The following KMT2E variants were observed in gnomAD, a reference collection of about 807,000 sequenced individuals.
KMT2E encodes histone reader KMT2E.
KMT2E carries 30 observed loss-of-function variants against 184.6 expected under a neutral mutation model. That is an observed-to-expected ratio of 0.16 (90% CI 0.12 to 0.22). The LOEUF (loss-of-function observed/expected upper bound fraction) is 0.22. Ranked by LOEUF, KMT2E falls within the 10% of genes least tolerant of loss-of-function variation. KMT2E has a pLI of 1.00. For synonymous variants in KMT2E, 815 were observed against 776.5 expected, an observed-to-expected ratio of 1.05 and a Z score of -0.82; for missense variants, 2,023 against 2,237.4, an observed-to-expected ratio of 0.90 and a Z score of 1.93.
chr7:105,111,725 A>G (rs1369235752), intron 26 of KMT2E, 100 bp from the exon 27 acceptor site: 1 of 1,350,480 alleles, frequency 7.4e-7, no homozygotes, highest in Non-Finnish European at 1.0e-6. Context: ...CCTGCCCCCC[A>G]TTAAAATTAA....
At chr7:105,102,251 ATTG>A (rs1345855450) in intron 17 of KMT2E, 57 bp downstream of exon 17, 19 of 1,443,950 alleles carry the variant, frequency 1.3e-5, no homozygotes, top group Admixed American at 2.6e-5. Flanking sequence ...TATTAATTAT[ATTG>A]TTGTTTTAAA....
intron 13 of KMT2E, among the ~76,000 whole-genome samples, chr7:105,085,151 T>C (rs1797914301): frequency 7.4e-6 from 1 of 134,352 alleles, no homozygotes; most frequent in South Asian, 2.2e-4. Context: ...AAAAAATCCA[T>C]GTATAACTAT....
chr7:105,041,733 T>C (rs1373915340), intron 3 of KMT2E, among the ~76,000 whole-genome samples: 1 of 152,228 alleles, frequency 6.6e-6, no homozygotes, highest in Non-Finnish European at 1.5e-5. Flanking sequence ...ATTTGTATAA[T>C]TGAAGATTCT....
rs150229197 is a variant in KMT2E, at chr7:105,085,813, C to T, written c.1358+4016C>T. 3.6e-4 allele frequency among the ~76,000 whole-genome samples: 55 copies of T among 151,910 alleles called. No homozygotes were observed. In the East Asian group the frequency reaches 9.4e-3, roughly 26 times the overall value. ...ATTCTCCCGCCTCGGAGAGTATAGG[C>T]ACCCGCCACCATGCCTGACTAATTT... On this transcript the variant is annotated intron_variant, in intron 13 of 26. Transcript: ENST00000311117.
rs750826809 is a variant in KMT2E, at chr7:105,111,931, G to A, written c.4175G>A (p.Gly1392Asp). 4 of 1,614,110 alleles carry A rather than the reference G, an allele frequency of 2.5e-6. No individual in the cohort carries two copies. The highest frequency in any genetic ancestry group is 3.3e-5 in the Admixed American group (2 of 60,006). ...GTTAGTGCATCCGAAGCTGAAAATG[G>A]TGTTCACCTAAAAACAGAGCTCCAA... ...STVSASEAEN[G>D]VHLKTELQQK... Residue 1392 changes from glycine (G) to aspartate (D), a missense_variant, in exon 27 of 27, where the codon GGT becomes GAT. By Grantham distance (94) the Gly-to-Asp change is moderately conservative. Transcript: ENST00000311117.
intron 1 of KMT2E, 35 bp from the exon 2 acceptor site, chr7:105,038,091 A>T (rs2129565131): frequency 6.6e-6 from 1 of 152,354 alleles, no homozygotes; most frequent in African/African-American, 2.4e-5. Flanking sequence ...CCATTTAAAA[A>T]TAGCTCAAAA....
At chr7:105,043,977 A>C (rs562544263) in intron 3 of KMT2E, among the ~76,000 whole-genome samples, 1 of 152,318 alleles carries the variant, frequency 6.6e-6, no homozygotes, top group South Asian at 2.1e-4. Flanking sequence ...GCATGCCTGT[A>C]GTCCCAGCTA....
At chr7:105,025,099 A>G (rs113795544) in intron 1 of KMT2E, among the ~76,000 whole-genome samples, 132 of 152,270 alleles carry the variant, frequency 8.7e-4, no homozygotes, top group African/African-American at 2.9e-3. Context: ...TTTACCTCCA[A>G]TTCTTAAGAT....
At chr7:105,049,136 G>A (rs1195488870) in intron 3 of KMT2E, among the ~76,000 whole-genome samples, 1 of 152,112 alleles carries the variant, frequency 6.6e-6, no homozygotes, top group African/African-American at 2.4e-5. Context: ...GCCATAAGAA[G>A]TTAAGATTTT....
intron 25 of KMT2E, 28 bp downstream of exon 25, chr7:105,110,630 A>G (rs766551219): frequency 1.2e-6 from 2 of 1,613,430 alleles, no homozygotes; most frequent in South Asian, 1.1e-5. Flanking sequence ...CGATAATGTT[A>G]TTCTTAACAA....
Position 105,108,928 on chromosome 7 carries a change from C to G in KMT2E, c.3469-14C>G. On this transcript the variant is annotated splice_polypyrimidine_tract_variant and intron_variant, in intron 22 of 26. Coordinates refer to ENST00000311117, the MANE Select transcript of KMT2E (RefSeq NM_182931.3). Reference sequence around the variant, plus strand: ...GAATAAAAGATTTGCTTTTTCTCATCTTTCTTGCTTAAGGTTTCTCTATTA... The same window carrying G: ...GAATAAAAGATTTGCTTTTTCTCATGTTTCTTGCTTAAGGTTTCTCTATTA... 12 of 1,576,550 alleles carry G rather than the reference C, an allele frequency of 7.6e-6. No individual in the cohort carries two copies. Among genetic ancestry groups the G allele is most frequent in the Non-Finnish European group, 1.0e-5 (12 of 1,156,392 alleles).
rs759190531 is a variant in KMT2E, at chr7:105,113,314, A to G, written c.5558A>G (p.His1853Arg). The G allele has an allele frequency of 6.8e-6, 11 of 1,612,162 alleles. No individual in the cohort carries two copies. The highest frequency in any genetic ancestry group is 2.2e-5 in the South Asian group (2 of 91,062). Residue 1853 changes from histidine (H) to arginine (R), a missense_variant, in exon 27 of 27, where the codon CAT becomes CGT. His to Arg is a conservative substitution (Grantham distance 29). Around this residue, in one of 8 missense-constraint regions of KMT2E, gnomAD observed 1,108 missense variants for 1,050.9 expected, o/e 1.05. Coordinates refer to ENST00000311117, the MANE Select transcript of KMT2E (RefSeq NM_182931.3). ...CCACCAACATTTCAAAACAATTACC[A>G]TGGGTCAGGGTGGCATTAAAATGGA... is the stretch of plus-strand genomic sequence containing the variant. ...QVPPTFQNNY[H>R]GSGWH
intron 13 of KMT2E, among the ~76,000 whole-genome samples, chr7:105,083,962 T>G (rs773601591): frequency 6.6e-6 from 1 of 152,198 alleles, no homozygotes; most frequent in Non-Finnish European, 1.5e-5. Context: ...TTTAATGACT[T>G]CACTTTTTCT....
Position 105,110,291 on chromosome 7 carries a change from C to G in KMT2E, c.3767C>G (p.Thr1256Ser). ...NEPEVQWTAS[T>S]SVEQVRERSY... is the part of the protein sequence containing the mutation. ...TTTTTCTTTGAAAGGACTGCCTCAACTTCAGTGGAACAAGTCAGAGAAAGG... is the reference window on the plus strand; with the variant it reads ...TTTTTCTTTGAAAGGACTGCCTCAAGTTCAGTGGAACAAGTCAGAGAAAGG... The change falls in exon 24 of 27, where the codon ACT (threonine) becomes AGT (serine). Residue 1256 changes from threonine (T) to serine (S), a missense_variant. This residue lies in a region of KMT2E where 1,108 missense variants were observed against 1,050.9 expected (regional missense o/e 1.05). Coordinates refer to ENST00000311117, the MANE Select transcript of KMT2E (RefSeq NM_182931.3). 1 of 1,613,980 alleles carries G rather than the reference C, an allele frequency of 6.2e-7. No homozygotes were observed. The highest frequency in any genetic ancestry group is 8.5e-7 in the Non-Finnish European group (1 of 1,179,866).
Position 105,114,162 on chromosome 7 carries a change from T to TA in KMT2E, c.*831dup, listed in dbSNP as rs1282088434. The TA allele has an allele frequency of 1.3e-5, 2 of 152,316 alleles. No individual in the cohort carries two copies. The highest frequency in any genetic ancestry group is 4.8e-5 in the African/African-American group (2 of 41,454). The allele number at this position is 152,316 out of a possible 1,614,324, so 9.4% of individuals were successfully genotyped here. On this transcript the variant is annotated 3_prime_UTR_variant, in exon 27 of 27. Transcript: ENST00000311117. ...AGTTCTAGTTTTCAAATATAGATTG[T>TA]AAGGAGCCTTCAATTTTCTTTAGCG...
chr7:105,086,069 CTT>C (rs772759460), intron 13 of KMT2E, among the ~76,000 whole-genome samples: 12 of 152,286 alleles, frequency 7.9e-5, no homozygotes, highest in Non-Finnish European at 1.3e-4. Flanking sequence ...TAAATTGTGA[CTT>C]GCTGTATTCT....
chr7:105,096,574 C>A lies in KMT2E; in HGVS notation c.1723-4851C>A, dbSNP rs142390594. Among the ~76,000 whole-genome samples, 323 of 152,232 alleles carry A rather than the reference C, an allele frequency of 2.1e-3. 2 individuals carry two copies. Among genetic ancestry groups the A allele is most frequent in the Non-Finnish European group, 4.0e-3 (269 of 68,020 alleles). On this transcript the variant is annotated intron_variant, in intron 15 of 26. Transcript: ENST00000311117. Reference sequence around the variant, plus strand: ...TATAGTCTAGTCTGGAATTTTTATACCACCACAACATAAACTTCATGAGGG... The same window carrying A: ...TATAGTCTAGTCTGGAATTTTTATAACACCACAACATAAACTTCATGAGGG...
rs1319652809 is a variant in KMT2E at position 105,114,063 on chromosome 7, A to AAATC, written c.*732_*735dup. 6.6e-6 allele frequency: 1 copy of AAATC among 152,636 alleles called. No homozygotes were observed. The highest frequency in any genetic ancestry group is 1.5e-5 in the Non-Finnish European group (1 of 68,048). 9.5% of individuals were successfully genotyped at this position (152,636 alleles called of 1,614,324 possible). On this transcript the variant is annotated 3_prime_UTR_variant, in exon 27 of 27. Coordinates refer to ENST00000311117, the MANE Select transcript of KMT2E (RefSeq NM_182931.3). ...GTTGGGCATTTTAATTCATGTTAAT[A>AAATC]AATCACAATTATGTCAGTTTTACCA... is the stretch of plus-strand genomic sequence containing the variant.
intron 1 of KMT2E, among the ~76,000 whole-genome samples, chr7:105,025,843 G>C (rs1795154954): frequency 6.6e-6 from 1 of 152,142 alleles, no homozygotes; most frequent in Non-Finnish European, 1.5e-5. Flanking sequence ...GTTTAGGTGT[G>C]GGCAAGATGA....
Sources: allele counts gnomAD v4.1 joint callset (sites outside exome capture counted in the v4.1 genomes callset), GRCh38; gene constraint gnomAD v4.1.1; regional missense constraint gnomAD v4.1.1; transcripts MANE v1.5; gene names NCBI Gene and HGNC (gene_info 2026-07-23, HGNC 2026-07-21).